The following TICAM1 variants were observed in gnomAD, a reference collection of about 807,000 sequenced individuals.
TICAM1 encodes TIR domain containing adaptor molecule 1.
For synonymous variants in TICAM1, 439 were observed against 415.4 expected, an observed-to-expected ratio of 1.06 and a Z score of -0.69; for missense variants, 895 against 938.2, an observed-to-expected ratio of 0.95 and a Z score of 0.60.
At position 4,816,460 on chromosome 19, in the gene TICAM1, T is replaced by G; in HGVS notation, c.1918A>C (p.Thr640Pro). Residue 640 changes from threonine (T) to proline (P), a missense_variant, in exon 2 of 2, where the codon ACC (threonine) becomes CCC (proline). Transcript: ENST00000248244. This position sits in a 1 kb window ranked among gnomAD's most constrained non-coding sequence, Gnocchi z 4.3. ...PPPLHAWQAG[T>P]PPPPSPQPAA... Reference sequence around the variant, plus strand: ...GGCTGTGGGGAGGGCGGTGGGGGGGTGCCAGCCTGCCATGCGTGCAGGGGT... The same window carrying G: ...GGCTGTGGGGAGGGCGGTGGGGGGGGGCCAGCCTGCCATGCGTGCAGGGGT... The G allele has an allele frequency of 6.5e-7, 1 of 1,534,108 alleles. No homozygotes were observed. Among genetic ancestry groups the G allele is most frequent in the Non-Finnish European group, 8.7e-7 (1 of 1,143,294 alleles).
chr19:4,826,134 C>G (rs1163553583), intron 1 of TICAM1, among the ~76,000 whole-genome samples: 5 of 151,874 alleles, frequency 3.3e-5, no homozygotes, highest in Non-Finnish European at 7.4e-5. Flanking sequence ...TGCACTCCAG[C>G]CTGGGCAATA....
intron 1 of TICAM1, among the ~76,000 whole-genome samples, chr19:4,831,044 G>T (rs920069659): frequency 6.6e-6 from 1 of 152,080 alleles, no homozygotes; most frequent in African/African-American, 2.4e-5. Context: ...GAAGAGTTTG[G>T]GGTGTCAGGG....
Position 4,817,205 on chromosome 19 carries a change from T to C in TICAM1, c.1173A>G (p.Glu391=). The change falls in exon 2 of 2, where the codon GAA becomes GAG. Residue 391 remains glutamate (E), a synonymous_variant. Transcript: ENST00000248244. This position sits in a 1 kb window ranked among gnomAD's most constrained non-coding sequence, Gnocchi z 4.7. ...LFPSSLESSS[E]QKFYNFVILH... ...GGATCACAAAGTTATAGAATTTCTG[T>C]TCCGATGATGATTCCAGGGAGGAAG... The C allele has an allele frequency of 6.2e-7, 1 of 1,613,970 alleles. No homozygotes were observed. The highest frequency in any genetic ancestry group is 8.5e-7 in the Non-Finnish European group (1 of 1,179,972).
In TICAM1 at chr19:4,818,247, T is replaced by A. The variant is rs1253414113; in HGVS notation, c.131A>T (p.His44Leu). 1.9e-6 allele frequency: 3 copies of A among 1,613,246 alleles called. No individual in the cohort carries two copies. The African/African-American group carries it at 4.0e-5, about 22-fold the overall frequency. Residue 44 changes from histidine to leucine, a missense_variant, in exon 2 of 2, where the codon CAT becomes CTT. By Grantham distance (99) the His-to-Leu change is moderately conservative (BLOSUM62 -3). Coordinates refer to ENST00000248244, the MANE Select transcript of TICAM1 (RefSeq NM_182919.4). The surrounding 1 kb of genome is among the most constrained non-coding windows in gnomAD (Gnocchi z 4.0). ...RPGCQGQDLL[H>L]AMVLLKLGQE... Reference sequence around the variant, plus strand: ...GCCCAGCTTCAGGAGAACCATGGCATGCAGGAGGTCCTGCCCCTGGCAGCC... The same window carrying A: ...GCCCAGCTTCAGGAGAACCATGGCAAGCAGGAGGTCCTGCCCCTGGCAGCC...
chr19:4,830,003 G>A (rs939583483), intron 1 of TICAM1, among the ~76,000 whole-genome samples: 1 of 150,736 alleles, frequency 6.6e-6, no homozygotes, highest in Non-Finnish European at 1.5e-5. Flanking sequence ...TAGAGACAGG[G>A]TTTCGCCATG....
intron 1 of TICAM1, among the ~76,000 whole-genome samples, chr19:4,826,097 G>C (rs1164324513): frequency 6.6e-6 from 1 of 152,020 alleles, no homozygotes; most frequent in Non-Finnish European, 1.5e-5. Context: ...GGAGAATCAA[G>C]GCTGCAGTGA....
Position 4,818,340 on chromosome 19 carries a change from T to C in TICAM1, c.38A>G (p.Asp13Gly), listed in dbSNP as rs1425438537. ...GTCCTGGCCTGCTGCACCTAGAATG[T>C]CGAAGGCGCTAGGAAGTGATGGGCC... is the stretch of plus-strand genomic sequence containing the variant. ...CTGPSLPSAF[D>G]ILGAAGQDKL... is the part of the protein sequence containing the mutation. The change falls in exon 2 of 2, where the codon GAC (aspartate) becomes GGC (glycine). Residue 13 changes from aspartate (D) to glycine (G), a missense_variant. Asp to Gly is a moderately conservative substitution (Grantham distance 94). Coordinates refer to ENST00000248244, the MANE Select transcript of TICAM1 (RefSeq NM_182919.4). The surrounding 1 kb of genome is among the most constrained non-coding windows in gnomAD (Gnocchi z 4.0). The C allele has an allele frequency of 6.2e-7, 1 of 1,610,920 alleles. No individual in the cohort carries two copies. Among genetic ancestry groups the C allele is most frequent in the African/African-American group, 1.3e-5 (1 of 74,878 alleles).
chr19:4,819,373 A>G (rs1158763239), intron 1 of TICAM1, among the ~76,000 whole-genome samples: 1 of 152,230 alleles, frequency 6.6e-6, no homozygotes, highest in African/African-American at 2.4e-5. Context: ...GAAGAAAGCA[A>G]GACACACAGA....
Position 4,818,218 on chromosome 19 carries a change from C to T in TICAM1, c.160G>A (p.Glu54Lys). ...HAMVLLKLGQ[E>K]TEARISLEAL... ...TCTAGAGAGATCCTGGCCTCAGTTTCCTGGCCCAGCTTCAGGAGAACCATG... is the reference window on the plus strand; with the variant it reads ...TCTAGAGAGATCCTGGCCTCAGTTTTCTGGCCCAGCTTCAGGAGAACCATG... Residue 54 changes from glutamate (E) to lysine (K), a missense_variant, in exon 2 of 2, where the codon GAA (glutamate) becomes AAA (lysine). Glu to Lys is a moderately conservative substitution (Grantham distance 56). Coordinates refer to ENST00000248244, the MANE Select transcript of TICAM1 (RefSeq NM_182919.4). The surrounding 1 kb of genome is among the most constrained non-coding windows in gnomAD (Gnocchi z 4.0). 6.2e-7 allele frequency: 1 copy of T among 1,613,144 alleles called. No individual in the cohort carries two copies. Among genetic ancestry groups the T allele is most frequent in the Non-Finnish European group, 8.5e-7 (1 of 1,179,990 alleles).
At chr19:4,825,674 T>C (rs2093604392) in intron 1 of TICAM1, among the ~76,000 whole-genome samples, 1 of 143,434 alleles carries the variant, frequency 7.0e-6, no homozygotes. Context: ...AAAATAAAAA[T>C]AGGCCGGGTG....
In TICAM1 at chr19:4,816,170, G is replaced by A. The variant is rs2093584404; in HGVS notation, c.*69C>T. 2.1e-6 allele frequency: 3 copies of A among 1,450,034 alleles called. No homozygotes were observed. Among genetic ancestry groups the A allele is most frequent in the Non-Finnish European group, 1.8e-6 (2 of 1,107,242 alleles). The allele number at this position is 1,450,034 out of a possible 1,614,324, so 89.8% of individuals were successfully genotyped here. ...CACAGGGCACAGGGCAGACCGGGGT[G>A]CTCTATGGGGTCCTGGCCGATGCCT... is the stretch of plus-strand genomic sequence containing the variant. On this transcript the variant is annotated 3_prime_UTR_variant, in exon 2 of 2. Coordinates refer to ENST00000248244, the MANE Select transcript of TICAM1 (RefSeq NM_182919.4). This position sits in a 1 kb window ranked among gnomAD's most constrained non-coding sequence, Gnocchi z 4.3.
chr19:4,827,117 G>C, intron 1 of TICAM1, among the ~76,000 whole-genome samples: 1 of 151,862 alleles, frequency 6.6e-6, no homozygotes, highest in Middle Eastern at 3.4e-3. Flanking sequence ...TTGAGAGGCC[G>C]AGGCGGGTGG....
intron 1 of TICAM1, among the ~76,000 whole-genome samples, chr19:4,820,820 G>T (rs2093596086): frequency 6.6e-6 from 1 of 151,998 alleles, no homozygotes; most frequent in African/African-American, 2.4e-5. Flanking sequence ...GGAGGTGGAG[G>T]TTGCAGTGAG....
At chr19:4,827,643 A>C (rs1023659566) in intron 1 of TICAM1, among the ~76,000 whole-genome samples, 2 of 151,456 alleles carry the variant, frequency 1.3e-5, no homozygotes, top group African/African-American at 2.4e-5. Context: ...CTGTACTCCC[A>C]GCTACTCGGA....
intron 1 of TICAM1, among the ~76,000 whole-genome samples, chr19:4,831,091 C>T (rs760145902): frequency 6.2e-5 from 9 of 144,594 alleles, no homozygotes; most frequent in South Asian, 2.3e-4. Context: ...CTGGGGTATT[C>T]GGGAGGGATC....
At position 4,817,190 on chromosome 19, in the gene TICAM1, G is replaced by A; in HGVS notation, c.1188C>T (p.Asn396=). ...LESSSEQKFY[N]FVILHARADE... The stretch of plus-strand genomic sequence containing the variant: ...CTGCCCTGGCGTGGAGGATCACAAA[G>A]TTATAGAATTTCTGTTCCGATGATG... Residue 396 remains asparagine, a synonymous_variant, in exon 2 of 2, where the codon AAC becomes AAT. Coordinates refer to ENST00000248244, the MANE Select transcript of TICAM1 (RefSeq NM_182919.4). This position sits in a 1 kb window ranked among gnomAD's most constrained non-coding sequence, Gnocchi z 4.7. 1 of 1,614,072 alleles carries A rather than the reference G, an allele frequency of 6.2e-7. No individual in the cohort carries two copies. Among genetic ancestry groups the A allele is most frequent in the Non-Finnish European group, 8.5e-7 (1 of 1,180,022 alleles).
chr19:4,817,775 G>A lies in TICAM1; in HGVS notation c.603C>T (p.Ala201=), dbSNP rs755612385. ...GCSLRSTGSP[A]SLASNLEISQ... ...TGATTTCCAAGTTGCTGGCCAGGGA[G>A]GCAGGGCTGCCAGTGGATCGCAGGG... The change falls in exon 2 of 2, where the codon GCC becomes GCT. Residue 201 remains alanine (A), a synonymous_variant. Transcript: ENST00000248244. This position sits in a 1 kb window ranked among gnomAD's most constrained non-coding sequence, Gnocchi z 4.7. The A allele has an allele frequency of 4.4e-6, 7 of 1,602,334 alleles. No individual in the cohort carries two copies. In the East Asian group the frequency reaches 1.6e-4, roughly 36 times the overall value.
chr19:4,831,404 G>A (rs2093613426), intron 1 of TICAM1, among the ~76,000 whole-genome samples: 1 of 151,790 alleles, frequency 6.6e-6, no homozygotes, highest in Non-Finnish European at 1.5e-5. Flanking sequence ...GACAGTGGGG[G>A]AGGATCTGGG....
In TICAM1 at chr19:4,817,449, C is replaced by G. The variant is rs958394435; in HGVS notation, c.929G>C (p.Gly310Ala). The G allele has an allele frequency of 4.3e-6, 7 of 1,614,040 alleles. No individual in the cohort carries two copies. The East Asian group carries it at 1.6e-4, about 36-fold the overall frequency. The change falls in exon 2 of 2, where the codon GGC (glycine) becomes GCC (alanine). Residue 310 changes from glycine (G) to alanine (A), a missense_variant. Physicochemically the swap from Gly to Ala is moderately conservative, Grantham distance 60. Transcript: ENST00000248244. This position sits in a 1 kb window ranked among gnomAD's most constrained non-coding sequence, Gnocchi z 4.7. The part of the protein sequence containing the change: ...YPVECTEGSA[G>A]PQSLPLPILE... ...AATAGGCAAGGGGAGAGACTGGGGG[C>G]CTGCAGACCCCTCGGTGCACTCCAC...
Sources: allele counts gnomAD v4.1 joint callset (sites outside exome capture counted in the v4.1 genomes callset), GRCh38; gene constraint gnomAD v4.1.1; non-coding constraint Gnocchi (gnomAD v3.1); transcripts MANE v1.5; gene names NCBI Gene and HGNC (gene_info 2026-07-23, HGNC 2026-07-21).